The following CNTN4 variants were observed in gnomAD, a reference collection of about 807,000 sequenced individuals.
CNTN4 encodes contactin 4.
A neutral mutation model predicts 122.5 loss-of-function variants in CNTN4; 77 were observed. The ratio of observed to expected loss-of-function variants is 0.63; its 90% CI spans 0.52 to 0.76. The LOEUF (loss-of-function observed/expected upper bound fraction) is 0.76, where lower values mean the gene tolerates loss of function less well. Ranked by LOEUF, CNTN4 falls within the 30% of genes least tolerant of loss-of-function variation. The pLI is 0.00. For missense variants in CNTN4, 1,256 were observed against 1,259.1 expected, an observed-to-expected ratio of 1.00 and a Z score of 0.04; for synonymous variants, 512 against 447.0, an observed-to-expected ratio of 1.15 and a Z score of -1.83.
intron 9 of CNTN4, among the ~76,000 whole-genome samples, chr3:2,884,598 A>G (rs2093948740): frequency 6.6e-6 from 1 of 152,364 alleles, no homozygotes; most frequent in South Asian, 2.1e-4. Flanking sequence ...TAACAGGATA[A>G]TATGATTACA....
intron 4 of CNTN4, among the ~76,000 whole-genome samples, chr3:2,620,288 A>T (rs2081944352): frequency 6.6e-6 from 1 of 152,136 alleles, no homozygotes; most frequent in Non-Finnish European, 1.5e-5. Context: ...TTGCCTGAGC[A>T]CACGAGTTCA....
At chr3:2,669,269 G>A (rs561458479) in intron 4 of CNTN4, among the ~76,000 whole-genome samples, 1 of 152,104 alleles carries the variant, frequency 6.6e-6, no homozygotes, top group African/African-American at 2.4e-5. Context: ...CAATTTCAGA[G>A]CCTGTTATTG....
chr3:2,175,497 A>G (rs1330688839), intron 2 of CNTN4, among the ~76,000 whole-genome samples: 2 of 152,218 alleles, frequency 1.3e-5, no homozygotes, highest in African/African-American at 4.8e-5. Flanking sequence ...AATTTTATTT[A>G]TCTTATTAGA....
chr3:2,389,738 A>T (rs931287406), intron 3 of CNTN4, among the ~76,000 whole-genome samples: 2 of 152,234 alleles, frequency 1.3e-5, no homozygotes, highest in African/African-American at 4.8e-5. Context: ...AACCTGGCAG[A>T]TACCAACTGA....
At chr3:2,786,878 C>G (rs2091852054) in intron 6 of CNTN4, among the ~76,000 whole-genome samples, 1 of 152,120 alleles carries the variant, frequency 6.6e-6, no homozygotes, top group Non-Finnish European at 1.5e-5. Flanking sequence ...TGGTGTCACT[C>G]TTGAGGCCAA....
intron 6 of CNTN4, among the ~76,000 whole-genome samples, chr3:2,775,878 G>A (rs930298175): frequency 1.3e-5 from 2 of 151,814 alleles, no homozygotes; most frequent in Non-Finnish European, 2.9e-5. Context: ...TAATATATTC[G>A]GTGCTATAAT....
chr3:2,104,361 G>A (rs1181003737), intron 2 of CNTN4, among the ~76,000 whole-genome samples: 5 of 152,022 alleles, frequency 3.3e-5, no homozygotes, highest in Non-Finnish European at 7.4e-5. Context: ...CTTGTAACAG[G>A]CTAACATGAG....
chr3:2,139,600 A>T (rs912218277), intron 2 of CNTN4, among the ~76,000 whole-genome samples: 1 of 152,246 alleles, frequency 6.6e-6, no homozygotes, highest in African/African-American at 2.4e-5. Context: ...ACAGTTGAGC[A>T]TAGCTTGGGA....
intron 4 of CNTN4, among the ~76,000 whole-genome samples, chr3:2,677,461 T>TATCC (rs1305849393): frequency 2.9e-5 from 4 of 139,410 alleles, no homozygotes; most frequent in African/African-American, 8.0e-5. Context: ...GAGATCTATG[T>TATCC]ATCTATCCAT....
intron 18 of CNTN4, 58 bp from the exon 19 acceptor site, chr3:3,038,875 C>T (rs1476539329): frequency 1.4e-6 from 2 of 1,463,698 alleles, no homozygotes; most frequent in East Asian, 4.5e-5. Flanking sequence ...AGGCAACCTT[C>T]CTGGCCCTCA....
chr3:2,856,793 G>C (rs1161222377), intron 7 of CNTN4, among the ~76,000 whole-genome samples: 1 of 152,172 alleles, frequency 6.6e-6, no homozygotes, highest in Admixed American at 6.5e-5. Context: ...AGAGTAGAAA[G>C]CTAAAATTAA....
intron 2 of CNTN4, among the ~76,000 whole-genome samples, chr3:2,294,315 C>T (rs2042232057): frequency 8.3e-6 from 1 of 120,572 alleles, no homozygotes; most frequent in African/African-American, 3.1e-5. Flanking sequence ...CTGAATACCT[C>T]ACTCAAGAGC....
intron 2 of CNTN4, among the ~76,000 whole-genome samples, chr3:2,146,501 A>G (rs1490024613): frequency 6.6e-6 from 1 of 152,190 alleles, no homozygotes. Context: ...AAACACATAT[A>G]TATGAAATTG....
chr3:2,159,625 T>A (rs2035871740), intron 2 of CNTN4, among the ~76,000 whole-genome samples: 1 of 152,210 alleles, frequency 6.6e-6, no homozygotes, highest in African/African-American at 2.4e-5. Flanking sequence ...GCATTCCCCT[T>A]CACTGCTTTC....
intron 14 of CNTN4, chr3:3,008,866 C>T: frequency 5.3e-6 from 4 of 753,388 alleles, no homozygotes; most frequent in Non-Finnish European, 6.5e-6. Context: ...AGCAGGCATT[C>T]GGGTTTCCCA....
At chr3:2,200,220 T>A (rs2038035313) in intron 2 of CNTN4, among the ~76,000 whole-genome samples, 1 of 152,120 alleles carries the variant, frequency 6.6e-6, no homozygotes, top group Non-Finnish European at 1.5e-5. Context: ...GATGGGTGGA[T>A]AGATTTTGAG....
chr3:2,941,556 A>G (rs1455692517), intron 13 of CNTN4, among the ~76,000 whole-genome samples: 1 of 152,202 alleles, frequency 6.6e-6, no homozygotes, highest in Non-Finnish European at 1.5e-5. Flanking sequence ...GCATCAATAA[A>G]TTTTAAAAAC....
chr3:2,328,389 G>A lies in CNTN4; in HGVS notation c.-144-10789G>A, dbSNP rs574367560. 1.9e-4 allele frequency among the ~76,000 whole-genome samples: 29 copies of A among 151,832 alleles called. No homozygotes were observed. The East Asian group carries it at 5.7e-3, about 30-fold the overall frequency. Reference sequence around the variant, plus strand: ...CCACCGCCCTCCAGCCTGGGCGACAGAGCGAGACTCCGTCTCAAAAAATAA... The same window carrying A: ...CCACCGCCCTCCAGCCTGGGCGACAAAGCGAGACTCCGTCTCAAAAAATAA... On this transcript the variant is annotated intron_variant, in intron 2 of 24. Coordinates refer to ENST00000418658, the MANE Select transcript of CNTN4 (RefSeq NM_175607.3).
At chr3:2,481,041 C>CTTTCTTTA (rs1553662997) in intron 3 of CNTN4, among the ~76,000 whole-genome samples, 1 of 140,058 alleles carries the variant, frequency 7.1e-6, no homozygotes, top group Non-Finnish European at 1.5e-5. Flanking sequence ...TCTTTTCTTT[C>CTTTCTTTA]TTTCTTTCTT....
Sources: allele counts gnomAD v4.1 joint callset (sites outside exome capture counted in the v4.1 genomes callset), GRCh38; gene constraint gnomAD v4.1.1; transcripts MANE v1.5; gene names NCBI Gene and HGNC (gene_info 2026-07-23, HGNC 2026-07-21).